PCDHA6: variants seen among roughly 807,000 people sequenced by gnomAD.
PCDHA6 encodes the protein protocadherin alpha-6.
In PCDHA6, 55 loss-of-function variants were observed where a neutral mutation model predicts 60.3. The ratio of observed to expected loss-of-function variants is 0.91; its 90% CI spans 0.73 to 1.14. PCDHA6 has a LOEUF of 1.14. PCDHA6 is among the 50% of genes most tolerant of loss of function. The probability of loss-of-function intolerance (pLI) is 0.00; values close to 1 mark genes in which losing one functional copy is unlikely to be tolerated. For missense variants in PCDHA6, 1,327 were observed against 1,256.5 expected (o/e 1.06, Z -0.85); for synonymous variants, 652 against 557.9 (o/e 1.17, Z -2.38).
chr5:140,995,956 G>A (rs1480673532), intron 3 of PCDHA6, among the ~76,000 whole-genome samples: 1 of 152,214 alleles, frequency 6.6e-6, no homozygotes, highest in African/African-American at 2.4e-5. Flanking sequence ...CACGCAAAAT[G>A]CTTAGAACCA....
chr5:141,002,273 AC>A (rs748746747), intron 3 of PCDHA6, among the ~76,000 whole-genome samples: 69 of 152,308 alleles, frequency 4.5e-4, no homozygotes, highest in Non-Finnish European at 9.1e-4. Flanking sequence ...AGAGCTGGTA[AC>A]AAAGGGATGA....
At chr5:140,958,667 TA>T (rs1310790364) in intron 1 of PCDHA6, among the ~76,000 whole-genome samples, 1 of 152,186 alleles carries the variant, frequency 6.6e-6, no homozygotes, top group African/African-American at 2.4e-5. Context: ...GATGAAATTT[TA>T]ATTATAAAGG....
chr5:140,934,704 T>C (rs185443398), intron 1 of PCDHA6, among the ~76,000 whole-genome samples: 134 of 152,288 alleles, frequency 8.8e-4, no homozygotes, highest in Non-Finnish European at 1.6e-3. Context: ...TTCCTGGCCA[T>C]CTTACAAAAA....
intron 1 of PCDHA6, chr5:140,928,117 A>G (rs781867812): frequency 1.1e-5 from 18 of 1,614,208 alleles, no homozygotes; most frequent in Non-Finnish European, 1.5e-5. Context: ...GGAGCAGATC[A>G]GTGAATACCA....
intron 1 of PCDHA6, among the ~76,000 whole-genome samples, chr5:140,943,553 CAAT>C (rs1554215748): frequency 6.6e-6 from 1 of 152,026 alleles, no homozygotes; most frequent in East Asian, 1.9e-4. Context: ...TAGACGTAGA[CAAT>C]AATCATTTTA....
intron 3 of PCDHA6, among the ~76,000 whole-genome samples, chr5:140,999,046 T>C (rs2097844534): frequency 6.6e-6 from 1 of 152,228 alleles, no homozygotes; most frequent in South Asian, 2.1e-4. Flanking sequence ...CAGTGTGCTT[T>C]CCACCATGCC....
Position 140,836,765 on chromosome 5 carries a change from A to T in PCDHA6, c.2394+6280A>T, listed in dbSNP as rs200916074. ...TGAGTCATAAATAATCTTGTTTCCA[A>T]CAATTTTAAAACAATTAGTTCAATT... On this transcript the variant is annotated intron_variant, in intron 1 of 3. Coordinates refer to ENST00000529310, the MANE Select transcript of PCDHA6 (RefSeq NM_018909.4). 7.0e-6 allele frequency: 11 copies of T among 1,563,040 alleles called. No individual in the cohort carries two copies. The East Asian group carries it at 9.0e-5, about 13-fold the overall frequency.
At chr5:140,993,521 G>C (rs1554253818) in intron 3 of PCDHA6, among the ~76,000 whole-genome samples, 4 of 151,128 alleles carry the variant, frequency 2.6e-5, no homozygotes, top group Admixed American at 2.0e-4. Flanking sequence ...GGGAGAGAGA[G>C]ACAGAGAGAG....
chr5:140,912,395 T>C (rs782718158), intron 1 of PCDHA6, among the ~76,000 whole-genome samples: 10 of 152,138 alleles, frequency 6.6e-5, no homozygotes, highest in Non-Finnish European at 1.5e-4. Flanking sequence ...CTTAATTTGA[T>C]TCTCAGCTTG....
rs2150331994 is a variant in PCDHA6, at chr5:140,842,213, A to G, written c.2394+11728A>G. The G allele has an allele frequency of 8.1e-6, 13 of 1,613,600 alleles. 1 individual carries two copies. The South Asian group carries it at 1.4e-4, about 18-fold the overall frequency. ...TATTGACCACTTTAGCATAGATCGA[A>G]ATACGGGAGAAATAGTGATTCGGGG... On this transcript the variant is annotated intron_variant, in intron 1 of 3. Coordinates refer to ENST00000529310, the MANE Select transcript of PCDHA6 (RefSeq NM_018909.4).
chr5:140,883,640 C>T (rs143631680), intron 1 of PCDHA6: 5 of 1,613,958 alleles, frequency 3.1e-6, no homozygotes, highest in Non-Finnish European at 4.2e-6. Context: ...GTTCGCGCAG[C>T]CCGAGTACAC....
rs568082033 is a variant in PCDHA6, at chr5:140,926,946, AG to A, written c.2395-52002del. On this transcript the variant is annotated intron_variant, in intron 1 of 3. Transcript: ENST00000529310. ...GTTTGTGGGTTTCCTGCGGCGCTGC[AG>A]CGGGACAGCTCGAGTACTCAGTGCC... 60 of 1,590,228 alleles carry A rather than the reference AG, an allele frequency of 3.8e-5. No individual in the cohort carries two copies. The African/African-American group carries it at 7.7e-4, about 20-fold the overall frequency.
intron 3 of PCDHA6, among the ~76,000 whole-genome samples, chr5:140,990,652 A>T (rs1023448596): frequency 1.3e-4 from 20 of 152,208 alleles, no homozygotes; most frequent in Admixed American, 1.3e-3. Flanking sequence ...GCCAGTATGA[A>T]TGATTTACAT....
chr5:140,851,482 A>G lies in PCDHA6; in HGVS notation c.2394+20997A>G, dbSNP rs920921115. ...AATTATGTCAATAAATGTTATAAAC[A>G]CAGCCTTCATTTCAACTTATATAAA... On this transcript the variant is annotated intron_variant, in intron 1 of 3. Coordinates refer to ENST00000529310, the MANE Select transcript of PCDHA6 (RefSeq NM_018909.4). 35 of 893,414 alleles carry G rather than the reference A, an allele frequency of 3.9e-5. 3 individuals carry two copies. The highest frequency in any genetic ancestry group is 4.2e-5 in the Non-Finnish European group (31 of 732,620). The allele number at this position is 893,414 out of a possible 1,614,324, so 55.3% of individuals were successfully genotyped here. A position where few individuals can be genotyped will look rare whatever the true frequency, so the allele number is the denominator to read the frequency against.
rs143469399 is a variant in PCDHA6 at position 140,850,397 on chromosome 5, G to T, written c.2394+19912G>T. On this transcript the variant is annotated intron_variant, in intron 1 of 3. Transcript: ENST00000529310. ...TGTACACGGGCGAGATCAGCACAAC[G>T]CGTGCCCTGGACGAAACGGACGCAC... 3.1e-6 allele frequency: 5 copies of T among 1,597,958 alleles called. No homozygotes were observed. The Admixed American group carries it at 6.8e-5, about 22-fold the overall frequency.
In PCDHA6 at chr5:140,829,690, T is replaced by C. The variant is rs147329611; in HGVS notation, c.1599T>C (p.Phe533=). The stretch of plus-strand genomic sequence containing the variant: ...ACGAGGAGCTAGAGCTGCTGCAGTT[T>C]CAGGTGAGCGCGCGCGACGCGGGCG... ...LDHEELELLQ[F]QVSARDAGVP... Residue 533 remains phenylalanine, a synonymous_variant, in exon 1 of 4, where the codon TTT becomes TTC. Coordinates refer to ENST00000529310, the MANE Select transcript of PCDHA6 (RefSeq NM_018909.4). The C allele has an allele frequency of 9.4e-5, 151 of 1,613,174 alleles. 1 individual carries two copies. Among genetic ancestry groups the C allele is most frequent in the South Asian group, 2.2e-4 (20 of 91,054 alleles).
rs2150169954 is a variant in PCDHA6 at position 140,829,555 on chromosome 5, G to C, written c.1464G>C (p.Ala488=). 7.4e-5 allele frequency: 119 copies of C among 1,612,836 alleles called. No homozygotes were observed. In the East Asian group the frequency reaches 1.6e-3, roughly 21 times the overall value. Residue 488 remains alanine, a synonymous_variant, in exon 1 of 4, where the codon GCG becomes GCC. Transcript: ENST00000529310. ...SARDADAQEN[A]LVSYSLVERR... Reference sequence around the variant, plus strand: ...GAGACGCGGACGCGCAGGAGAACGCGCTGGTGTCCTACTCGCTGGTGGAGC... The same window carrying C: ...GAGACGCGGACGCGCAGGAGAACGCCCTGGTGTCCTACTCGCTGGTGGAGC...
intron 1 of PCDHA6, chr5:140,877,691 T>G: frequency 6.2e-7 from 1 of 1,613,746 alleles, no homozygotes. Context: ...CCCACGCTGG[T>G]GTGCTCCAGC....
In PCDHA6 at chr5:140,851,054, T is replaced by C. The variant is rs1269980672; in HGVS notation, c.2394+20569T>C. The C allele has an allele frequency of 2.8e-5, 38 of 1,379,008 alleles. 5 individuals carry two copies. Among genetic ancestry groups the C allele is most frequent in the Non-Finnish European group, 3.5e-5 (37 of 1,051,766 alleles). The allele number at this position is 1,379,008 out of a possible 1,614,324, so 85.4% of individuals were successfully genotyped here. ...CTTAACATTGGAGCCGACTTTGTCT[T>C]GACTTCTAGTGAGAATTATAAACTG... On this transcript the variant is annotated intron_variant, in intron 1 of 3. Coordinates refer to ENST00000529310, the MANE Select transcript of PCDHA6 (RefSeq NM_018909.4).
Sources: gnomAD v4.1 joint callset for allele counts (sites outside exome capture counted in the v4.1 genomes callset) on GRCh38, gnomAD v4.1.1 for gene constraint, MANE v1.5 for transcripts, NCBI Gene and HGNC (gene_info 2026-07-23, HGNC 2026-07-21) for gene names.